PACS1: variants seen among roughly 807,000 people sequenced by gnomAD.
PACS1 encodes phosphofurin acidic cluster sorting protein 1.
PACS1 carries 24 observed loss-of-function variants against 115.0 expected under a neutral mutation model. The observed-to-expected ratio is 0.21, with a 90% CI of 0.15 to 0.29. The LOEUF is 0.29. Ranked by LOEUF, PACS1 falls within the 10% of genes least tolerant of loss-of-function variation. PACS1 has a pLI of 1.00. For missense variants in PACS1, 838 were observed against 1,251.2 expected (o/e 0.67, Z 4.98); for synonymous variants, 453 against 504.5 (o/e 0.90, Z 1.37).
chr11:66,138,695 T>C (rs1295477024), intron 1 of PACS1, among the ~76,000 whole-genome samples: 2 of 151,804 alleles, frequency 1.3e-5, no homozygotes, highest in African/African-American at 4.8e-5. Context: ...ACTTTTTTTT[T>C]TTTTCGAGAC....
At chr11:66,118,758 C>A (rs1316913410) in intron 1 of PACS1, among the ~76,000 whole-genome samples, 2 of 126,074 alleles carry the variant, frequency 1.6e-5, no homozygotes, top group Non-Finnish European at 3.2e-5. Context: ...CATGGCGAAA[C>A]CCCATGTCTA....
chr11:66,187,684 A>C (rs940260781), intron 1 of PACS1, among the ~76,000 whole-genome samples: 3 of 152,172 alleles, frequency 2.0e-5, no homozygotes, highest in African/African-American at 7.2e-5. Context: ...TGTGCACACC[A>C]CATTTTCTTT....
intron 1 of PACS1, among the ~76,000 whole-genome samples, chr11:66,130,865 T>C (rs1429320493): frequency 6.6e-6 from 1 of 151,240 alleles, no homozygotes; most frequent in Non-Finnish European, 1.5e-5. Flanking sequence ...AGCCCAGGAG[T>C]TCGAGACCAA....
intron 7 of PACS1, chr11:66,217,730 C>T (rs1855247492): frequency 2.4e-6 from 1 of 409,008 alleles, no homozygotes; most frequent in Non-Finnish European, 5.0e-6. Context: ...CCAAATGGTC[C>T]CCATGAGGTG....
At chr11:66,094,726 G>A (rs1401407668) in intron 1 of PACS1, among the ~76,000 whole-genome samples, 5 of 151,782 alleles carry the variant, frequency 3.3e-5, no homozygotes, top group East Asian at 1.9e-4. Context: ...TACCAAAGCC[G>A]GGCAGAGACA....
intron 1 of PACS1, among the ~76,000 whole-genome samples, chr11:66,154,322 C>T (rs1376994738): frequency 6.6e-6 from 1 of 152,116 alleles, no homozygotes; most frequent in Non-Finnish European, 1.5e-5. Context: ...ACCTGTAGTC[C>T]TAGCTGCTCT....
At position 66,221,253 on chromosome 11, in the gene PACS1, C is replaced by T. The variant is rs369639320; in HGVS notation, c.1293+6C>T. ...GAAAAGACACCACCAGCCCTGTGAG[C>T]GCAACCGCGACTGCGGGGCGGGGTG... is the stretch of plus-strand genomic sequence containing the variant. On this transcript the variant is annotated splice_donor_region_variant and intron_variant, in intron 10 of 23. Coordinates refer to ENST00000320580, the MANE Select transcript of PACS1 (RefSeq NM_018026.4). The T allele has an allele frequency of 8.6e-5, 138 of 1,613,446 alleles. 1 individual carries two copies. Among genetic ancestry groups the T allele is most frequent in the East Asian group, 6.5e-4 (29 of 44,878 alleles).
At position 66,205,136 on chromosome 11, in the gene PACS1, C is replaced by T. The variant is rs1349839543; in HGVS notation, c.445-5226C>T. On this transcript the variant is annotated intron_variant, in intron 2 of 23. Transcript: ENST00000320580. Reference sequence around the variant, plus strand: ...AGTAGCTGGGATTACAGGTGTGCACCATCATGCCCAGCTAAATTTTGTATT... The same window carrying T: ...AGTAGCTGGGATTACAGGTGTGCACTATCATGCCCAGCTAAATTTTGTATT... Among the ~76,000 whole-genome samples the T allele has an allele frequency of 2.6e-5, 4 of 152,176 alleles. No individual in the cohort carries two copies. The East Asian group carries it at 7.7e-4, about 29-fold the overall frequency.
intron 11 of PACS1, among the ~76,000 whole-genome samples, chr11:66,230,227 G>A (rs1855560685): frequency 6.6e-6 from 1 of 151,962 alleles, no homozygotes; most frequent in Non-Finnish European, 1.5e-5. Context: ...CAGGGCACCA[G>A]GGAGATGCAT....
intron 2 of PACS1, among the ~76,000 whole-genome samples, chr11:66,195,320 A>G (rs1338716120): frequency 6.6e-6 from 1 of 152,170 alleles, no homozygotes; most frequent in Non-Finnish European, 1.5e-5. Context: ...TTCCTTCCAA[A>G]TCTATGAAAT....
At chr11:66,115,414 T>C (rs1317967182) in intron 1 of PACS1, among the ~76,000 whole-genome samples, 2 of 152,198 alleles carry the variant, frequency 1.3e-5, no homozygotes, top group Non-Finnish European at 2.9e-5. Flanking sequence ...CCTCTACTGG[T>C]GACCAGCAGT....
chr11:66,159,332 GA>G (rs1859436453), intron 1 of PACS1, among the ~76,000 whole-genome samples: 1 of 152,092 alleles, frequency 6.6e-6, no homozygotes, highest in African/African-American at 2.4e-5. Flanking sequence ...AGATACTCAG[GA>G]AGCTGAGGCA....
At chr11:66,154,616 C>T (rs1009169573) in intron 1 of PACS1, among the ~76,000 whole-genome samples, 2 of 152,100 alleles carry the variant, frequency 1.3e-5, no homozygotes, top group African/African-American at 4.8e-5. Flanking sequence ...ATTCCACTTG[C>T]CATATCATCC....
At chr11:66,152,118 C>T (rs1859253697) in intron 1 of PACS1, among the ~76,000 whole-genome samples, 1 of 152,090 alleles carries the variant, frequency 6.6e-6, no homozygotes, top group African/African-American at 2.4e-5. Flanking sequence ...CCTGTAGTGC[C>T]AGCTACTTGG....
chr11:66,112,587 T>C (rs1308347551), intron 1 of PACS1, among the ~76,000 whole-genome samples: 1 of 152,232 alleles, frequency 6.6e-6, no homozygotes, highest in African/African-American at 2.4e-5. Context: ...TATATCTGTC[T>C]CGTTCATGAC....
At chr11:66,187,751 C>A (rs1444184845) in intron 1 of PACS1, among the ~76,000 whole-genome samples, 1 of 152,138 alleles carries the variant, frequency 6.6e-6, no homozygotes, top group South Asian at 2.1e-4. Context: ...CTATTGTGAA[C>A]GGTGCTCGGT....
intron 1 of PACS1, among the ~76,000 whole-genome samples, chr11:66,103,236 C>T (rs1304547352): frequency 1.3e-5 from 2 of 152,028 alleles, no homozygotes; most frequent in African/African-American, 4.8e-5. Context: ...GTTGGTTTTC[C>T]CTGTATTCTG....
intron 11 of PACS1, among the ~76,000 whole-genome samples, 188 bp downstream of exon 11, chr11:66,227,772 C>T (rs1855496852): frequency 6.6e-6 from 1 of 152,154 alleles, no homozygotes; most frequent in Non-Finnish European, 1.5e-5. Context: ...GGTGTAGACA[C>T]CAGGTTGCTC....
chr11:66,171,238 C>G (rs1182064108), intron 1 of PACS1, among the ~76,000 whole-genome samples: 2 of 150,298 alleles, frequency 1.3e-5, no homozygotes, highest in Non-Finnish European at 2.9e-5. Context: ...GATTCTCTCT[C>G]TAGTAATTCT....
Sources: gnomAD v4.1 joint callset for allele counts (sites outside exome capture counted in the v4.1 genomes callset) on GRCh38, gnomAD v4.1.1 for gene constraint, MANE v1.5 for transcripts, NCBI Gene and HGNC (gene_info 2026-07-23, HGNC 2026-07-21) for gene names.